CNOT6L: variants seen among roughly 807,000 people sequenced by gnomAD.
The protein encoded by CNOT6L is CCR4-NOT transcription complex subunit 6-like.
CNOT6L carries 7 observed loss-of-function variants against 64.0 expected under a neutral mutation model. The ratio of observed to expected loss-of-function variants is 0.11; its 90% CI spans 0.06 to 0.21. The LOEUF is 0.21. Ranked by LOEUF, CNOT6L falls within the 10% of genes least tolerant of loss-of-function variation. The pLI is 1.00. For synonymous variants in CNOT6L, 193 were observed against 243.4 expected, an observed-to-expected ratio of 0.79 and a Z score of 1.93; for missense variants, 245 against 669.0, an observed-to-expected ratio of 0.37 and a Z score of 6.99.
intron 8 of CNOT6L, among the ~76,000 whole-genome samples, chr4:77,741,322 A>C (rs1011453539): frequency 1.3e-5 from 2 of 152,184 alleles, no homozygotes; most frequent in Non-Finnish European, 2.9e-5. Context: ...GGATCAATAA[A>C]AACAGATTGG....
chr4:77,790,186 T>C (rs536302844), intron 1 of CNOT6L, among the ~76,000 whole-genome samples: 2 of 152,214 alleles, frequency 1.3e-5, no homozygotes, highest in East Asian at 3.9e-4. Context: ...TTGGGTTCTT[T>C]CATTTAGTAT....
At chr4:77,777,287 G>C (rs940060470) in intron 1 of CNOT6L, among the ~76,000 whole-genome samples, 3 of 152,146 alleles carry the variant, frequency 2.0e-5, no homozygotes, top group African/African-American at 7.2e-5. Context: ...ATCAAAACTA[G>C]CACAGTCATG....
At chr4:77,726,026 T>A in intron 11 of CNOT6L, 141 bp downstream of exon 11, 1 of 711,746 alleles carries the variant, frequency 1.4e-6, no homozygotes, top group Non-Finnish European at 2.4e-6. Flanking sequence ...TACTTATATT[T>A]AGGTGCATAC....
chr4:77,767,976 T>TC (rs1348002773), intron 4 of CNOT6L, among the ~76,000 whole-genome samples: 88 of 90,112 alleles, frequency 9.8e-4, no homozygotes, highest in Admixed American at 9.5e-3. Context: ...CGAGACTTTG[T>TC]CCCCAAAAAA....
chr4:77,750,667 T>A (rs1724756434), intron 5 of CNOT6L, among the ~76,000 whole-genome samples: 1 of 152,198 alleles, frequency 6.6e-6, no homozygotes, highest in Admixed American at 6.5e-5. Context: ...GTCAGGTTTT[T>A]TAAAGATGAA....
intron 4 of CNOT6L, among the ~76,000 whole-genome samples, chr4:77,767,930 G>A (rs977974752): frequency 2.2e-5 from 3 of 136,240 alleles, no homozygotes; most frequent in African/African-American, 8.5e-5. Flanking sequence ...AGCAAGCTGA[G>A]ATTTGCACCA....
intron 5 of CNOT6L, among the ~76,000 whole-genome samples, chr4:77,749,620 G>T (rs567509033): frequency 1.3e-5 from 2 of 152,002 alleles, no homozygotes. Context: ...TAAGTATAAC[G>T]CAATCAACAA....
intron 8 of CNOT6L, 143 bp downstream of exon 8, chr4:77,741,998 A>C: frequency 1.5e-6 from 1 of 688,292 alleles, no homozygotes; most frequent in Non-Finnish European, 2.4e-6. Flanking sequence ...CTGAGAAATG[A>C]AACATTAACA....
chr4:77,806,869 G>A (rs1310071469), intron 1 of CNOT6L, among the ~76,000 whole-genome samples: 3 of 152,076 alleles, frequency 2.0e-5, no homozygotes, highest in Non-Finnish European at 4.4e-5. Flanking sequence ...TGCAACTATA[G>A]ATCTGCTGAT....
intron 4 of CNOT6L, among the ~76,000 whole-genome samples, chr4:77,757,573 T>C (rs1197625979): frequency 6.6e-6 from 1 of 152,110 alleles, no homozygotes; most frequent in Non-Finnish European, 1.5e-5. Flanking sequence ...GAGGTATTCA[T>C]TAAGACAAGC....
intron 1 of CNOT6L, among the ~76,000 whole-genome samples, chr4:77,799,240 C>G (rs929816098): frequency 4.6e-5 from 7 of 152,068 alleles, no homozygotes; most frequent in African/African-American, 1.7e-4. Context: ...CCAGCCTGGG[C>G]AACACATCAA....
At chr4:77,780,157 A>G (rs549085393) in intron 1 of CNOT6L, among the ~76,000 whole-genome samples, 1 of 152,372 alleles carries the variant, frequency 6.6e-6, no homozygotes, top group South Asian at 2.1e-4. Context: ...TCTAAATGTG[A>G]CACTGCTCAT....
intron 4 of CNOT6L, among the ~76,000 whole-genome samples, chr4:77,766,820 T>C (rs1309639931): frequency 6.6e-6 from 1 of 151,428 alleles, no homozygotes; most frequent in Non-Finnish European, 1.5e-5. Flanking sequence ...TCCCAGCACT[T>C]TGAGAGGCAA....
chr4:77,819,122 GC>G, intron 1 of CNOT6L, 181 bp downstream of exon 1: 3 of 1,068,426 alleles, frequency 2.8e-6, no homozygotes, highest in Non-Finnish European at 4.0e-6. Flanking sequence ...CAGCCCCGCC[GC>G]CCCCTCCAGT....
At chr4:77,755,514 G>A (rs1334923719) in intron 5 of CNOT6L, among the ~76,000 whole-genome samples, 3 of 151,858 alleles carry the variant, frequency 2.0e-5, no homozygotes, top group African/African-American at 2.4e-5. Context: ...ATGCCCGGCC[G>A]AGATATTTAA....
At chr4:77,740,354 A>G (rs1020774317) in intron 8 of CNOT6L, among the ~76,000 whole-genome samples, 1 of 152,164 alleles carries the variant, frequency 6.6e-6, no homozygotes, top group Non-Finnish European at 1.5e-5. Context: ...TGGGTGACAG[A>G]GTAAGACTCT....
intron 4 of CNOT6L, 112 bp downstream of exon 4, chr4:77,772,969 G>A (rs990044085): frequency 8.2e-5 from 54 of 656,918 alleles, no homozygotes; most frequent in Non-Finnish European, 1.3e-4. Context: ...TCTTTCAAGA[G>A]AAAGTACACG....
Position 77,773,169 on chromosome 4 carries a change from G to A in CNOT6L, c.315-3C>T. 2 of 1,452,548 alleles carry A rather than the reference G, an allele frequency of 1.4e-6. No homozygotes were observed. The highest frequency in any genetic ancestry group is 1.5e-5 in the African/African-American group (1 of 64,742). The allele number at this position is 1,452,548 out of a possible 1,614,324, so 90.0% of individuals were successfully genotyped here. A position where few individuals can be genotyped will look rare whatever the true frequency, so the allele number is the denominator to read the frequency against. Reference sequence around the variant, plus strand: ...GATTGTTATTTAAAAGCAATTCCCTGTTTTAAAAAAAAAAAAAAAATTAGT... The same window carrying A: ...GATTGTTATTTAAAAGCAATTCCCTATTTTAAAAAAAAAAAAAAAATTAGT... On this transcript the variant is annotated splice_region_variant and splice_polypyrimidine_tract_variant and intron_variant, in intron 3 of 11. Transcript: ENST00000504123.
intron 1 of CNOT6L, among the ~76,000 whole-genome samples, chr4:77,784,498 C>CTT (rs1369773895): frequency 8.5e-6 from 1 of 117,238 alleles, no homozygotes; most frequent in Non-Finnish European, 1.8e-5. Flanking sequence ...TGAATATAAT[C>CTT]TATTTTTTTT....
Sources: gnomAD v4.1 joint callset for allele counts (sites outside exome capture counted in the v4.1 genomes callset) on GRCh38, gnomAD v4.1.1 for gene constraint, MANE v1.5 for transcripts, NCBI Gene and HGNC (gene_info 2026-07-23, HGNC 2026-07-21) for gene names.